Variants in ZNF592 observed in about 807,000 individuals in gnomAD.
ZNF592 encodes spinocerebellar ataxia, autosomal recessive 5.
ZNF592 carries 11 observed loss-of-function variants against 80.3 expected under a neutral mutation model. The observed-to-expected ratio is 0.14, with a 90% CI of 0.09 to 0.23. ZNF592 has a LOEUF of 0.23. ZNF592 is among the 10% of genes least tolerant of loss of function. ZNF592 has a pLI of 1.00. For missense variants in ZNF592, 1,420 were observed against 1,633.9 expected (o/e 0.87, Z 2.26); for synonymous variants, 646 against 640.3 (o/e 1.01, Z -0.13).
At chr15:84,767,595 G>A (rs896176246) in intron 2 of ZNF592, among the ~76,000 whole-genome samples, 1 of 152,072 alleles carries the variant, frequency 6.6e-6, no homozygotes, top group Non-Finnish European at 1.5e-5. Context: ...AAAGGTAAAG[G>A]GGGTACGGGT....
At chr15:84,767,139 C>T (rs758206595) in intron 2 of ZNF592, among the ~76,000 whole-genome samples, 9 of 152,070 alleles carry the variant, frequency 5.9e-5, no homozygotes, top group Non-Finnish European at 8.8e-5. Flanking sequence ...GGACTAGAGG[C>T]GTACACCACC....
intron 1 of ZNF592, among the ~76,000 whole-genome samples, chr15:84,763,192 G>A (rs1899402712): frequency 6.6e-6 from 1 of 152,190 alleles, no homozygotes. Context: ...TCACTCACTG[G>A]TGAGTTCCTT....
rs752209667 is a variant in ZNF592, at chr15:84,783,339, G to C, written c.664G>C (p.Gly222Arg). The change falls in exon 4 of 11, where the codon GGG (glycine) becomes CGG (arginine). Residue 222 changes from glycine to arginine, a missense_variant. By Grantham distance (125) the Gly-to-Arg change is moderately radical (BLOSUM62 -2). Coordinates refer to ENST00000560079, the MANE Select transcript of ZNF592 (RefSeq NM_014630.3). This position sits in a 1 kb window ranked among gnomAD's most constrained non-coding sequence, Gnocchi z 5.0. ...LGSQQEHEQSGQNTVEPHKDP... is the reference protein window; with the variant it reads ...LGSQQEHEQSRQNTVEPHKDP... Reference sequence around the variant, plus strand: ...GAGCCAGCAGGAACACGAGCAAAGTGGGCAGAACACAGTGGAACCTCACAA... The same window carrying C: ...GAGCCAGCAGGAACACGAGCAAAGTCGGCAGAACACAGTGGAACCTCACAA... 23 of 1,614,102 alleles carry C rather than the reference G, an allele frequency of 1.4e-5. No individual in the cohort carries two copies. Among genetic ancestry groups the C allele is most frequent in the Non-Finnish European group, 1.9e-5 (23 of 1,180,054 alleles).
chr15:84,784,845 A>G lies in ZNF592; in HGVS notation c.2170A>G (p.Met724Val), dbSNP rs527282842. 67 of 1,614,104 alleles carry G rather than the reference A, an allele frequency of 4.2e-5. No individual in the cohort carries two copies. In the South Asian group the frequency reaches 6.1e-4, roughly 15 times the overall value. Reference sequence around the variant, plus strand: ...ATGTCACAAGCAGATGCGGGACTACATGGTCCTGGCTGCACATTTCCAGAG... The same window carrying G: ...ATGTCACAAGCAGATGCGGGACTACGTGGTCCTGGCTGCACATTTCCAGAG... ...LECHKQMRDY[M>V]VLAAHFQRTT... The change falls in exon 4 of 11, where the codon ATG becomes GTG. Residue 724 changes from methionine to valine, a missense_variant. This residue lies in a region of ZNF592 where 524 missense variants were observed against 628.3 expected (regional missense o/e 0.83). Transcript: ENST00000560079. The surrounding 1 kb of genome is among the most constrained non-coding windows in gnomAD (Gnocchi z 5.8).
intron 5 of ZNF592, among the ~76,000 whole-genome samples, chr15:84,794,412 A>G (rs565785564): frequency 2.6e-5 from 4 of 151,146 alleles, no homozygotes; most frequent in Admixed American, 2.6e-4. Context: ...AACCATCCTT[A>G]TGGGTGTGAA....
chr15:84,798,550 C>T lies in ZNF592; in HGVS notation c.2737-38C>T. 1 of 1,613,982 alleles carries T rather than the reference C, an allele frequency of 6.2e-7. No homozygotes were observed. The highest frequency in any genetic ancestry group is 1.1e-5 in the South Asian group (1 of 91,066). On this transcript the variant is annotated intron_variant, in intron 7 of 10. Transcript: ENST00000560079. This position sits in a 1 kb window ranked among gnomAD's most constrained non-coding sequence, Gnocchi z 4.5. ...TGGGGGTCTGACTCTGTGCATCTTT[C>T]CCCTTGCCCAGTCAGTAATCGCTCT...
rs150671271 is a variant in ZNF592, at chr15:84,797,216, C to T, written c.2400-653C>T. Among the ~76,000 whole-genome samples, 1,387 of 152,354 alleles carry T rather than the reference C, an allele frequency of 9.1e-3. 25 individuals carry two copies. The highest frequency in any genetic ancestry group is 0.032 in the African/African-American group (1,321 of 41,580). ...CCTCGTGTGATCCACCCTCCTTGGCCTCCCCAAGTGCTGGGATTACAGGCG... is the reference window on the plus strand; with the variant it reads ...CCTCGTGTGATCCACCCTCCTTGGCTTCCCCAAGTGCTGGGATTACAGGCG... On this transcript the variant is annotated intron_variant, in intron 5 of 10. Transcript: ENST00000560079.
chr15:84,769,844 T>A (rs999922637), intron 2 of ZNF592, among the ~76,000 whole-genome samples: 1 of 152,200 alleles, frequency 6.6e-6, no homozygotes, highest in Non-Finnish European at 1.5e-5. Context: ...GGTGCATTCC[T>A]GGCTCACTGC....
At chr15:84,760,938 G>T (rs1397297451) in intron 1 of ZNF592, among the ~76,000 whole-genome samples, 5 of 151,634 alleles carry the variant, frequency 3.3e-5, no homozygotes, top group Non-Finnish European at 7.4e-5. Context: ...CCCAGGGCTT[G>T]GACCTAATAT....
rs181368491 is a variant in ZNF592, at chr15:84,786,899, G to A, written c.2220+2004G>A. Among the ~76,000 whole-genome samples the A allele has an allele frequency of 3.9e-3, 534 of 137,888 alleles. 2 individuals are homozygous for A. The highest frequency in any genetic ancestry group is 0.014 in the African/African-American group (506 of 36,314). The allele number at this position is 137,888 out of a possible 152,430, so 90.5% of individuals were successfully genotyped here. On this transcript the variant is annotated intron_variant, in intron 4 of 10. Coordinates refer to ENST00000560079, the MANE Select transcript of ZNF592 (RefSeq NM_014630.3). Reference sequence around the variant, plus strand: ...GGAGTCTTGCTTTGTTGCCCAGGATGGAGTGCAGTGGTGCGATCTCGGCCC... The same window carrying A: ...GGAGTCTTGCTTTGTTGCCCAGGATAGAGTGCAGTGGTGCGATCTCGGCCC...
chr15:84,778,096 T>A (rs1962315214), intron 2 of ZNF592, 87 bp from the exon 3 acceptor site: 1 of 153,044 alleles, frequency 6.5e-6, no homozygotes, highest in Non-Finnish European at 1.5e-5. Context: ...AATTGCCTGC[T>A]CATCACCCTC....
chr15:84,752,952 T>G (rs978788648), intron 1 of ZNF592, among the ~76,000 whole-genome samples: 9 of 152,158 alleles, frequency 5.9e-5, no homozygotes, highest in African/African-American at 2.2e-4. Flanking sequence ...TGGCCATTGC[T>G]CCTCACTTTC....
chr15:84,774,063 C>T (rs1209970471), intron 2 of ZNF592, among the ~76,000 whole-genome samples: 1 of 152,170 alleles, frequency 6.6e-6, no homozygotes, highest in Non-Finnish European at 1.5e-5. Context: ...GCTTAAAATC[C>T]ATTATTCTAA....
intron 1 of ZNF592, among the ~76,000 whole-genome samples, chr15:84,754,968 T>G (rs1899125002): frequency 2.0e-5 from 3 of 148,366 alleles, no homozygotes; most frequent in Admixed American, 1.3e-4. Context: ...GAGTTGTTTT[T>G]TTTTTTTTTT....
chr15:84,756,373 T>C (rs1361476453), intron 1 of ZNF592, among the ~76,000 whole-genome samples: 2 of 152,258 alleles, frequency 1.3e-5, no homozygotes, highest in Non-Finnish European at 2.9e-5. Context: ...TTTTGTCAGT[T>C]CAGTTCCTGA....
Position 84,796,255 on chromosome 15 carries a change from T to A in ZNF592, c.2400-1614T>A, listed in dbSNP as rs1567076221. 1.8e-3 allele frequency among the ~76,000 whole-genome samples: 32 copies of A among 17,680 alleles called. 1 individual carries two copies. The highest frequency in any genetic ancestry group is 5.4e-3 in the African/African-American group (23 of 4,222). 11.6% of individuals were successfully genotyped at this position (17,680 alleles called of 152,430 possible). On this transcript the variant is annotated intron_variant, in intron 5 of 10. Coordinates refer to ENST00000560079, the MANE Select transcript of ZNF592 (RefSeq NM_014630.3). ...AAAAAAAAAAATATATATATATATA[T>A]ATATATATATTTTATATATATATAT...
chr15:84,801,884 G>A lies in ZNF592; in HGVS notation c.3295G>A (p.Val1099Ile), dbSNP rs776836589. The A allele has an allele frequency of 3.1e-6, 5 of 1,613,802 alleles. No homozygotes were observed. The Admixed American group carries it at 6.7e-5, about 22-fold the overall frequency. ...TTAGGTGAACCATCTGAAAAGACCA[G>A]TCAGTGGAGTGGGGGACGCTCCAGG... ...SPQVNHLKRP[V>I]SGVGDAPGTS... is the part of the protein sequence containing the mutation. The change falls in exon 11 of 11, where the codon GTC (valine) becomes ATC (isoleucine). Residue 1099 changes from valine to isoleucine, a missense_variant. By Grantham distance (29) the Val-to-Ile change is conservative. This residue lies in a region of ZNF592 where 145 missense variants were observed against 211.9 expected (regional missense o/e 0.68). Coordinates refer to ENST00000560079, the MANE Select transcript of ZNF592 (RefSeq NM_014630.3).
chr15:84,759,043 G>A (rs1161960635), intron 1 of ZNF592, among the ~76,000 whole-genome samples: 1 of 152,136 alleles, frequency 6.6e-6, no homozygotes, highest in Non-Finnish European at 1.5e-5. Context: ...GTCTCCCTAT[G>A]CCCTTTGCCT....
At chr15:84,797,165 G>A (rs1021803367) in intron 5 of ZNF592, among the ~76,000 whole-genome samples, 3 of 152,068 alleles carry the variant, frequency 2.0e-5, no homozygotes, top group Admixed American at 2.0e-4. Flanking sequence ...TTGCTATGTC[G>A]GCCATGTCTC....
Sources: gnomAD v4.1 joint callset for allele counts (sites outside exome capture counted in the v4.1 genomes callset) on GRCh38, gnomAD v4.1.1 for gene constraint, gnomAD v4.1.1 regional missense constraint, Gnocchi (gnomAD v3.1) non-coding constraint, MANE v1.5 for transcripts, NCBI Gene and HGNC (gene_info 2026-07-23, HGNC 2026-07-21) for gene names.